The following ARRB1 variants were observed in gnomAD, a reference collection of about 807,000 sequenced individuals.
ARRB1 encodes arrestin beta 1, also known as beta-arrestin-1.
In ARRB1, 21 loss-of-function variants were observed where a neutral mutation model predicts 56.8. That is an observed-to-expected ratio of 0.37 (90% CI 0.26 to 0.53). The LOEUF is 0.53. Among genes scored for constraint, ARRB1 ranks in the 20% least tolerant of loss-of-function variants. The pLI is 0.88. For missense variants in ARRB1, 424 were observed against 553.7 expected (o/e 0.77, Z 2.35); for synonymous variants, 210 against 218.6 (o/e 0.96, Z 0.35).
intron 1 of ARRB1, 102 bp from the exon 2 acceptor site, chr11:75,290,141 G>C (rs372206218): frequency 7.1e-7 from 1 of 1,406,608 alleles, no homozygotes; most frequent in Non-Finnish European, 9.9e-7. Flanking sequence ...GGGCTGGAGT[G>C]ACTGACAGGC....
chr11:75,283,311 C>T lies in ARRB1; in HGVS notation c.330G>A (p.Glu110=), dbSNP rs144387921. The change falls in exon 5 of 16, where the codon GAG becomes GAA. Residue 110 remains glutamate (E), a synonymous_variant. Transcript: ENST00000420843. ...LQERLIKKLG[E]HAYPFTFEIP... ...CCTCAAAGGTGAAAGGGTAAGCGTG[C>T]TCGCCCAGCTTCTTGATGAGGCGTT... 7.4e-6 allele frequency: 12 copies of T among 1,611,942 alleles called. No individual in the cohort carries two copies. Among genetic ancestry groups the T allele is most frequent in the Non-Finnish European group, 1.0e-5 (12 of 1,178,926 alleles).
At chr11:75,318,653 GCA>G (rs1371985218) in intron 1 of ARRB1, among the ~76,000 whole-genome samples, 18 of 151,934 alleles carry the variant, frequency 1.2e-4, no homozygotes, top group Admixed American at 1.2e-3. Flanking sequence ...TCACGCCACT[GCA>G]CCCTAGCCTG....
At chr11:75,275,999 A>T (rs1946193548) in intron 10 of ARRB1, among the ~76,000 whole-genome samples, 1 of 152,176 alleles carries the variant, frequency 6.6e-6, no homozygotes, top group South Asian at 2.1e-4. Flanking sequence ...TCAACAGTGG[A>T]TATGAAAAAT....
chr11:75,304,168 T>G (rs1461317166), intron 1 of ARRB1, among the ~76,000 whole-genome samples: 1 of 152,228 alleles, frequency 6.6e-6, no homozygotes, highest in Non-Finnish European at 1.5e-5. Context: ...TTTGTTTGTT[T>G]TGCCAATTTC....
chr11:75,307,533 T>G (rs1947058827), intron 1 of ARRB1, among the ~76,000 whole-genome samples: 2 of 152,084 alleles, frequency 1.3e-5, no homozygotes, highest in African/African-American at 4.8e-5. Flanking sequence ...TGGTGCCCCA[T>G]CAGACAGGAG....
rs547668400 is a variant in ARRB1, at chr11:75,325,332, T to G, written c.20+26256A>C. Among the ~76,000 whole-genome samples the G allele has an allele frequency of 2.1e-3, 315 of 152,346 alleles. 1 individual carries two copies. The highest frequency in any genetic ancestry group is 3.4e-3 in the Non-Finnish European group (231 of 68,030). On this transcript the variant is annotated intron_variant, in intron 1 of 15. Transcript: ENST00000420843. ...AGGCAGTTTACTTTGTTTTTGTTTT[T>G]GTTTTTCAACAGGGTCTCTCGTTCT...
chr11:75,306,251 T>C (rs568601498), intron 1 of ARRB1, among the ~76,000 whole-genome samples: 2 of 152,060 alleles, frequency 1.3e-5, no homozygotes, highest in Non-Finnish European at 2.9e-5. Context: ...ACCTGACCAC[T>C]TCAGCTGCCA....
chr11:75,339,449 T>C (rs1213612893), intron 1 of ARRB1, among the ~76,000 whole-genome samples: 1 of 152,222 alleles, frequency 6.6e-6, no homozygotes, highest in Non-Finnish European at 1.5e-5. Context: ...TGACAGCAGA[T>C]GAAACCAGTG....
chr11:75,300,236 A>G (rs968283001), intron 1 of ARRB1, among the ~76,000 whole-genome samples: 50 of 151,860 alleles, frequency 3.3e-4, no homozygotes, highest in African/African-American at 1.2e-3. Context: ...AGAAAGAAAG[A>G]AAAGAAAGCT....
At position 75,278,680 on chromosome 11, in the gene ARRB1, T is replaced by C; in HGVS notation, c.547A>G (p.Thr183Ala). Residue 183 changes from threonine to alanine, a missense_variant, in exon 8 of 16, where the codon ACA becomes GCA. Coordinates refer to ENST00000420843, the MANE Select transcript of ARRB1 (RefSeq NM_004041.5). ...AGGAACTGCCTGGTGGTCTCGGCTG[T>C]GGGCTGGGGGCCAGGCCTCTCTGGG... ...YAPERPGPQP[T>A]AETTRQFLMS... 1.2e-6 allele frequency: 2 copies of C among 1,614,146 alleles called. No homozygotes were observed. The highest frequency in any genetic ancestry group is 1.7e-6 in the Non-Finnish European group (2 of 1,180,000).
Position 75,278,788 on chromosome 11 carries a change from C to A in ARRB1, c.483-44G>T, listed in dbSNP as rs751699947. The A allele has an allele frequency of 3.2e-6, 5 of 1,564,354 alleles. No individual in the cohort carries two copies. The South Asian group carries it at 4.7e-5, about 15-fold the overall frequency. ...GTGAAAGAGGACCAGGGTCACCTGC[C>A]TTCATCCCCTCTCCTTGCGAGCCTC... is the stretch of plus-strand genomic sequence containing the variant. On this transcript the variant is annotated intron_variant, in intron 7 of 15. Coordinates refer to ENST00000420843, the MANE Select transcript of ARRB1 (RefSeq NM_004041.5).
rs1260268473 is a variant in ARRB1, at chr11:75,263,300, G to A, written c.*2863C>T. On this transcript the variant is annotated 3_prime_UTR_variant, in exon 16 of 16. Coordinates refer to ENST00000420843, the MANE Select transcript of ARRB1 (RefSeq NM_004041.5). Reference sequence around the variant, plus strand: ...GGTGCCTGGAGTTGACCAGAAGCTTGGAAACATGACCTGCGGCTTCCTCTC... The same window carrying A: ...GGTGCCTGGAGTTGACCAGAAGCTTAGAAACATGACCTGCGGCTTCCTCTC... Among the ~76,000 whole-genome samples the A allele has an allele frequency of 6.6e-6, 1 of 152,220 alleles. No individual in the cohort carries two copies. Among genetic ancestry groups the A allele is most frequent in the Non-Finnish European group, 1.5e-5 (1 of 68,034 alleles).
At chr11:75,286,255 C>CTTTTTTTTTTTTTTTT (rs60988072) in intron 3 of ARRB1, among the ~76,000 whole-genome samples, 1 of 38,678 alleles carries the variant, frequency 2.6e-5, no homozygotes, top group African/African-American at 1.1e-4. Context: ...ATTTGCTCAT[C>CTTTTTTTTTTTTTTTT]TTTTTTTTTT....
intron 1 of ARRB1, among the ~76,000 whole-genome samples, chr11:75,344,929 C>T (rs992266746): frequency 2.0e-5 from 3 of 152,176 alleles, no homozygotes; most frequent in African/African-American, 4.8e-5. Flanking sequence ...CATCCAGGCC[C>T]ATACACGGGC....
At chr11:75,275,121 A>ATTTTATATTTTATATTTT in intron 10 of ARRB1, among the ~76,000 whole-genome samples, 1 of 33,886 alleles carries the variant, frequency 3.0e-5, no homozygotes, top group African/African-American at 1.0e-4. Context: ...AATTTAATTT[A>ATTTTATATTTTATATTTT]AATTTATTTT....
At chr11:75,342,411 C>A (rs1432222143) in intron 1 of ARRB1, among the ~76,000 whole-genome samples, 2 of 152,168 alleles carry the variant, frequency 1.3e-5, no homozygotes, top group Admixed American at 1.3e-4. Context: ...GATGCAGTGC[C>A]CAGAATTCTG....
At chr11:75,312,512 C>T (rs1253507014) in intron 1 of ARRB1, among the ~76,000 whole-genome samples, 3 of 152,222 alleles carry the variant, frequency 2.0e-5, no homozygotes, top group African/African-American at 7.2e-5. Context: ...AACTGCTCTG[C>T]AAGGTGTGTG....
chr11:75,307,664 G>T (rs1242774288), intron 1 of ARRB1, among the ~76,000 whole-genome samples: 1 of 152,168 alleles, frequency 6.6e-6, no homozygotes, highest in East Asian at 1.9e-4. Context: ...TCTAACACAC[G>T]GGGAAGGTCT....
chr11:75,267,721 G>T lies in ARRB1; in HGVS notation c.1094-18C>A. 4.5e-6 allele frequency: 7 copies of T among 1,556,204 alleles called. No homozygotes were observed. Among genetic ancestry groups the T allele is most frequent in the Non-Finnish European group, 6.2e-6 (7 of 1,132,130 alleles). On this transcript the variant is annotated intron_variant, in intron 14 of 15. Coordinates refer to ENST00000420843, the MANE Select transcript of ARRB1 (RefSeq NM_004041.5). Reference sequence around the variant, plus strand: ...CTCTGGAACTAAACACAGGGTGGGTGGGCAGGGTGTCCAGGGATTAGTGAG... The same window carrying T: ...CTCTGGAACTAAACACAGGGTGGGTTGGCAGGGTGTCCAGGGATTAGTGAG...
Sources: allele counts gnomAD v4.1 joint callset (sites outside exome capture counted in the v4.1 genomes callset), GRCh38; gene constraint gnomAD v4.1.1; transcripts MANE v1.5; gene names NCBI Gene and HGNC (gene_info 2026-07-23, HGNC 2026-07-21).